Variants in SH2B2 observed in about 807,000 individuals in gnomAD.
SH2B2 encodes SH2B adapter protein 2.
SH2B2 carries 37 observed loss-of-function variants against 35.7 expected under a neutral mutation model. That is an observed-to-expected ratio of 1.04 (90% CI 0.80 to 1.36). The LOEUF (loss-of-function observed/expected upper bound fraction) is 1.36. Ranked by LOEUF, SH2B2 falls within the 40% of genes most tolerant of loss-of-function variation. SH2B2 has a pLI of 0.00. For synonymous variants in SH2B2, 383 were observed against 376.4 expected (o/e 1.02, Z -0.20); for missense variants, 852 against 817.7 (o/e 1.04, Z -0.51).
chr7:102,287,607 G>A, intron 1 of SH2B2, among the ~76,000 whole-genome samples: 1 of 152,178 alleles, frequency 6.6e-6, no homozygotes, highest in East Asian at 1.9e-4. Context: ...GACCTGCCCA[G>A]CCGGGGAGCT....
At chr7:102,286,578 C>T (rs530915106), upstream of SH2B2, among the ~76,000 whole-genome samples, 3 of 151,840 alleles carry the variant, frequency 2.0e-5, no homozygotes, top group African/African-American at 7.3e-5. Flanking sequence ...GGGGCCGGCT[C>T]GGCGACATGG....
Position 102,307,163 on chromosome 7 carries a change from G to A in SH2B2, c.831+341G>A, listed in dbSNP as rs548459773. 3.3e-5 allele frequency among the ~76,000 whole-genome samples: 5 copies of A among 152,352 alleles called. No individual in the cohort carries two copies. In the South Asian group the frequency reaches 1.0e-3, roughly 32 times the overall value. Reference sequence around the variant, plus strand: ...CACCCACCTCGCTGGTGGCCAGCCGGCAGCAGTTATGCAAATGTTCCTGTC... The same window carrying A: ...CACCCACCTCGCTGGTGGCCAGCCGACAGCAGTTATGCAAATGTTCCTGTC... On this transcript the variant is annotated intron_variant, in intron 3 of 8. Coordinates refer to ENST00000444095, the MANE Select transcript of SH2B2 (RefSeq NM_001359228.2).
At chr7:102,313,867 C>T (rs917373703) in intron 4 of SH2B2, among the ~76,000 whole-genome samples, 27 of 151,000 alleles carry the variant, frequency 1.8e-4, no homozygotes, top group African/African-American at 5.8e-4. Flanking sequence ...GCCGAGATCG[C>T]GCCACTGCAC....
At chr7:102,319,323 T>C (rs185059186) in intron 7 of SH2B2, among the ~76,000 whole-genome samples, 14 of 152,368 alleles carry the variant, frequency 9.2e-5, no homozygotes, top group Admixed American at 5.9e-4. Flanking sequence ...AGTCCCTGCA[T>C]TGTCCTAGCA....
Position 102,301,538 on chromosome 7 carries a change from G to A in SH2B2, c.729+259G>A, listed in dbSNP as rs1367036819. Among the ~76,000 whole-genome samples, 8 of 137,492 alleles carry A rather than the reference G, an allele frequency of 5.8e-5. No homozygotes were observed. The East Asian group carries it at 1.5e-3, about 26-fold the overall frequency. 90.2% of individuals were successfully genotyped at this position (137,492 alleles called of 152,430 possible). ...TCTGGGGCACTAATTTTTTCTTTTC[G>A]TGTGTGTGTGTGTGTGTGTCCGTGT... is the stretch of plus-strand genomic sequence containing the variant. On this transcript the variant is annotated intron_variant, in intron 2 of 8. Transcript: ENST00000444095.
At chr7:102,309,282 C>T (rs747070769) in intron 4 of SH2B2, 18 of 399,886 alleles carry the variant, frequency 4.5e-5, no homozygotes, top group Non-Finnish European at 7.9e-5. Context: ...GGAGGCCCAG[C>T]TGGGAGGACC....
At chr7:102,320,662 C>A (rs1262414605) in intron 8 of SH2B2, among the ~76,000 whole-genome samples, 160 bp downstream of exon 8, 1 of 151,966 alleles carries the variant, frequency 6.6e-6, no homozygotes, top group Non-Finnish European at 1.5e-5. Flanking sequence ...TTCAAGCAGT[C>A]ACGTCATAAG....
At chr7:102,298,989 C>T (rs1429816945) in intron 1 of SH2B2, among the ~76,000 whole-genome samples, 4 of 129,870 alleles carry the variant, frequency 3.1e-5, no homozygotes, top group South Asian at 2.4e-4. Flanking sequence ...GGCGCGATGT[C>T]GGCTCACTGC....
intron 6 of SH2B2, among the ~76,000 whole-genome samples, chr7:102,315,753 A>AAG (rs1554556855): frequency 7.4e-5 from 11 of 149,342 alleles, no homozygotes; most frequent in African/African-American, 2.7e-4. Context: ...AGAAAAAAAA[A>AAG]AAAAAAAAAG....
intron 2 of SH2B2, among the ~76,000 whole-genome samples, chr7:102,306,001 G>A (rs946770783): frequency 4.7e-5 from 7 of 149,790 alleles, no homozygotes; most frequent in Admixed American, 2.7e-4. Flanking sequence ...CTGATCAAGC[G>A]ATCCTTCCAC....
chr7:102,317,715 C>A (rs1432899388), intron 7 of SH2B2, among the ~76,000 whole-genome samples: 1 of 152,268 alleles, frequency 6.6e-6, no homozygotes, highest in African/African-American at 2.4e-5. Flanking sequence ...CTCCTGCGCG[C>A]GGGGGATCTC....
At chr7:102,293,604 A>C (rs541255017) in intron 1 of SH2B2, among the ~76,000 whole-genome samples, 4 of 152,058 alleles carry the variant, frequency 2.6e-5, no homozygotes, top group African/African-American at 4.8e-5. Context: ...GGCCAGCACC[A>C]CAGGGGGCCC....
chr7:102,298,001 G>A (rs1469679676), intron 1 of SH2B2, among the ~76,000 whole-genome samples: 1 of 152,190 alleles, frequency 6.6e-6, no homozygotes, highest in Non-Finnish European at 1.5e-5. Context: ...GTGAGGGAAT[G>A]TGGAGGAAAG....
intron 1 of SH2B2, 108 bp from the exon 2 acceptor site, chr7:102,300,414 A>G: frequency 7.7e-7 from 1 of 1,306,978 alleles, no homozygotes; most frequent in Non-Finnish European, 1.0e-6. Flanking sequence ...GTGCATGTAC[A>G]CACACACCCA....
intron 1 of SH2B2, among the ~76,000 whole-genome samples, chr7:102,295,483 A>ATGG (rs142032007): frequency 1.2e-4 from 19 of 152,142 alleles, no homozygotes; most frequent in Admixed American, 7.2e-4. Context: ...CCTGGAGGCC[A>ATGG]TGGTGGTGGT....
At chr7:102,288,866 A>T (rs1213481990) in intron 1 of SH2B2, among the ~76,000 whole-genome samples, 1 of 152,186 alleles carries the variant, frequency 6.6e-6, no homozygotes, top group Non-Finnish European at 1.5e-5. Flanking sequence ...CTCTCTGACA[A>T]GAGGCTGGCA....
chr7:102,289,604 C>T (rs1586561343), intron 1 of SH2B2, among the ~76,000 whole-genome samples: 2 of 152,206 alleles, frequency 1.3e-5, no homozygotes, highest in East Asian at 3.9e-4. Flanking sequence ...CCTGTAGTCT[C>T]CAGAGTTCGG....
In SH2B2 at chr7:102,287,114, A is replaced by G. The variant is rs1487522296; in HGVS notation, c.-30+20A>G. 2.0e-5 allele frequency: 3 copies of G among 151,896 alleles called. No homozygotes were observed. Among genetic ancestry groups the G allele is most frequent in the African/African-American group, 7.3e-5 (3 of 41,368 alleles). The allele number at this position is 151,896 out of a possible 1,614,324, so 9.4% of individuals were successfully genotyped here. On this transcript the variant is annotated intron_variant, in intron 1 of 8. Transcript: ENST00000444095. Reference sequence around the variant, plus strand: ...CTGTAGGTATGGCCTCCTTATACCCAGTTCCTCGCTCCCTGGTCCTTCCCC... The same window carrying G: ...CTGTAGGTATGGCCTCCTTATACCCGGTTCCTCGCTCCCTGGTCCTTCCCC...
At chr7:102,317,604 T>C (rs1310953352) in intron 7 of SH2B2, among the ~76,000 whole-genome samples, 1 of 152,186 alleles carries the variant, frequency 6.6e-6, no homozygotes, top group African/African-American at 2.4e-5. Context: ...GTCAGCCCTA[T>C]TTCAGCCTCT....
Sources: gnomAD v4.1 joint callset for allele counts (sites outside exome capture counted in the v4.1 genomes callset) on GRCh38, gnomAD v4.1.1 for gene constraint, MANE v1.5 for transcripts, NCBI Gene and HGNC (gene_info 2026-07-23, HGNC 2026-07-21) for gene names.